KDM5B: variants seen among roughly 807,000 people sequenced by gnomAD.
KDM5B encodes the protein lysine-specific demethylase 5B.
In KDM5B, 144 loss-of-function variants were observed where a neutral mutation model predicts 193.4. The observed-to-expected ratio is 0.74, with a 90% CI of 0.65 to 0.86. KDM5B has a LOEUF of 0.86. Among genes scored for constraint, KDM5B ranks in the 40% least tolerant of loss-of-function variants. The pLI, the probability that KDM5B is intolerant of heterozygous loss-of-function variation, is 0.00. For synonymous variants in KDM5B, 668 were observed against 682.6 expected (o/e 0.98, Z 0.33); for missense variants, 1,833 against 1,886.9 (o/e 0.97, Z 0.53).
Position 202,724,935 on chromosome 1 carries a change from T to C in KDM5B, c.*4101A>G, listed in dbSNP as rs1161827766. ...TATTTTAAATAGAGAAAATAACTTT[T>C]GTTTCCTCAGAAAGGCAACTTTTTA... is the stretch of plus-strand genomic sequence containing the variant. On this transcript the variant is annotated 3_prime_UTR_variant, in exon 27 of 27. Transcript: ENST00000367265. The C allele has an allele frequency of 6.6e-6, 1 of 152,250 alleles. No individual in the cohort carries two copies. Among genetic ancestry groups the C allele is most frequent in the East Asian group, 1.9e-4 (1 of 5,200 alleles). 9.4% of individuals were successfully genotyped at this position (152,250 alleles called of 1,614,324 possible).
intron 2 of KDM5B, among the ~76,000 whole-genome samples, chr1:202,775,879 A>AAAAT (rs1553358956): frequency 1.2e-3 from 113 of 93,194 alleles, no homozygotes; most frequent in Non-Finnish European, 1.5e-3. Flanking sequence ...AAAAAAAAAA[A>AAAAT]ATATATATAT....
intron 23 of KDM5B, among the ~76,000 whole-genome samples, chr1:202,732,419 T>C (rs909983870): frequency 1.3e-5 from 2 of 152,124 alleles, no homozygotes; most frequent in African/African-American, 4.8e-5. Flanking sequence ...AATATAAGAG[T>C]TGTGTCCTTT....
intron 2 of KDM5B, 94 bp from the exon 3 acceptor site, chr1:202,774,829 A>T: frequency 8.3e-7 from 1 of 1,211,220 alleles, no homozygotes; most frequent in East Asian, 2.5e-5. Context: ...ATTTAAGTAC[A>T]ATACCACTTA....
chr1:202,763,996 T>A (rs1235789769), intron 6 of KDM5B, 53 bp downstream of exon 6: 2 of 1,002,394 alleles, frequency 2.0e-6, no homozygotes, highest in African/African-American at 3.2e-5. Context: ...TTATGAATAG[T>A]TATTTTTACT....
chr1:202,787,477 C>A (rs1407328196), intron 1 of KDM5B, among the ~76,000 whole-genome samples: 1 of 152,114 alleles, frequency 6.6e-6, no homozygotes, highest in Admixed American at 6.6e-5. Context: ...GAGTTAATCT[C>A]TTTAATCTGT....
At position 202,730,901 on chromosome 1, in the gene KDM5B, A is replaced by C; in HGVS notation, c.4176+8T>G. 6.3e-7 allele frequency: 1 copy of C among 1,586,476 alleles called. No individual in the cohort carries two copies. Among genetic ancestry groups the C allele is most frequent in the Non-Finnish European group, 8.6e-7 (1 of 1,163,660 alleles). On this transcript the variant is annotated splice_region_variant and intron_variant, in intron 25 of 26. Coordinates refer to ENST00000367265, the MANE Select transcript of KDM5B (RefSeq NM_006618.5). Reference sequence around the variant, plus strand: ...GTGCCTTGCCCCAGAAGCCTCTCAGACACTCACCTTCTCACTGCTGGGTCT... The same window carrying C: ...GTGCCTTGCCCCAGAAGCCTCTCAGCCACTCACCTTCTCACTGCTGGGTCT...
At chr1:202,778,379 G>A (rs1286793738) in intron 1 of KDM5B, among the ~76,000 whole-genome samples, 2 of 152,054 alleles carry the variant, frequency 1.3e-5, no homozygotes, top group Admixed American at 1.3e-4. Flanking sequence ...CAAGAGAACA[G>A]CTAAAGGTAT....
At chr1:202,782,363 T>G (rs191820840) in intron 1 of KDM5B, among the ~76,000 whole-genome samples, 235 of 152,276 alleles carry the variant, frequency 1.5e-3, no homozygotes, top group African/African-American at 5.3e-3. Context: ...CACGAATTTT[T>G]TTTTCTTTTC....
chr1:202,775,434 G>A (rs1167276664), intron 2 of KDM5B, among the ~76,000 whole-genome samples: 1 of 152,008 alleles, frequency 6.6e-6, no homozygotes, highest in East Asian at 1.9e-4. Context: ...CTACTCAGGA[G>A]GCTGAGGCAG....
At position 202,727,461 on chromosome 1, in the gene KDM5B, C is replaced by T. The variant is rs1292404458; in HGVS notation, c.*1575G>A. 1.3e-5 allele frequency: 2 copies of T among 152,596 alleles called. No individual in the cohort carries two copies. Among genetic ancestry groups the T allele is most frequent in the African/African-American group, 4.8e-5 (2 of 41,432 alleles). 9.5% of individuals were successfully genotyped at this position (152,596 alleles called of 1,614,324 possible). ...CATAAAAGGGGAGGGTACATTTAAACCTCTGCTATATCACAAACTGCTGTT... is the reference window on the plus strand; with the variant it reads ...CATAAAAGGGGAGGGTACATTTAAATCTCTGCTATATCACAAACTGCTGTT... On this transcript the variant is annotated 3_prime_UTR_variant, in exon 27 of 27. Transcript: ENST00000367265.
At chr1:202,748,565 T>C (rs1463238989) in intron 14 of KDM5B, among the ~76,000 whole-genome samples, 3 of 150,634 alleles carry the variant, frequency 2.0e-5, no homozygotes, top group Admixed American at 2.0e-4. Context: ...AAAAACCAAA[T>C]GTTTTAAAAA....
Position 202,725,371 on chromosome 1 carries a change from T to TA in KDM5B, c.*3664dup, listed in dbSNP as rs1654638290. 6.6e-6 allele frequency: 1 copy of TA among 152,266 alleles called. No homozygotes were observed. The highest frequency in any genetic ancestry group is 2.4e-5 in the African/African-American group (1 of 41,474). 9.4% of individuals were successfully genotyped at this position (152,266 alleles called of 1,614,324 possible). ...TATTACTTTATACAAATTCCTACTT[T>TA]ATACAATTTTTTGTTTAGGCAGCTT... On this transcript the variant is annotated 3_prime_UTR_variant, in exon 27 of 27. Transcript: ENST00000367265.
Position 202,777,084 on chromosome 1 carries a change from G to A in KDM5B, c.215C>T (p.Pro72Leu), listed in dbSNP as rs1282691565. The A allele has an allele frequency of 1.2e-6, 2 of 1,612,576 alleles. No homozygotes were observed. The highest frequency in any genetic ancestry group is 1.7e-5 in the Admixed American group (1 of 60,006). ...CKVRPPPDWQ[P>L]PFACDVDKLH... ...TTTATCAACATCACATGCAAATGGT[G>A]GCTGCCAATCCTAGGAGAAAGCAAA... The change falls in exon 2 of 27, where the codon CCA becomes CTA. Residue 72 changes from proline to leucine, a missense_variant. By Grantham distance (98) the Pro-to-Leu change is moderately conservative. Around this residue, in one of 3 missense-constraint regions of KDM5B, gnomAD observed 355 missense variants for 374.9 expected, o/e 0.95. Transcript: ENST00000367265.
chr1:202,735,737 C>A, intron 21 of KDM5B, 150 bp from the exon 22 acceptor site: 1 of 645,774 alleles, frequency 1.5e-6, no homozygotes, highest in Non-Finnish European at 2.7e-6. Context: ...CTGAGGCTCT[C>A]CTTTACAAAA....
rs1654639063 is a variant in KDM5B, at chr1:202,725,387, TAGGCAGCTTTTCAGTAAC to T, written c.*3631_*3648del. ...TTCCTACTTTATACAATTTTTTGTT[TAGGCAGCTTTTCAGTAAC>T]ATTTCTATAATAAGTTACACATGAA... On this transcript the variant is annotated 3_prime_UTR_variant, in exon 27 of 27. Transcript: ENST00000367265. 6.6e-6 allele frequency: 1 copy of T among 152,256 alleles called. No homozygotes were observed. Among genetic ancestry groups the T allele is most frequent in the Admixed American group, 6.5e-5 (1 of 15,276 alleles). 9.4% of individuals were successfully genotyped at this position (152,256 alleles called of 1,614,324 possible). A position where few individuals can be genotyped will look rare whatever the true frequency, so the allele number is the denominator to read the frequency against.
intron 1 of KDM5B, among the ~76,000 whole-genome samples, chr1:202,797,540 A>C (rs1172229775): frequency 6.6e-6 from 1 of 152,248 alleles, no homozygotes; most frequent in African/African-American, 2.4e-5. Flanking sequence ...ATATTTTCTT[A>C]AAAGATCTAG....
At chr1:202,765,909 T>C (rs1656435210) in intron 5 of KDM5B, among the ~76,000 whole-genome samples, 1 of 152,212 alleles carries the variant, frequency 6.6e-6, no homozygotes, top group East Asian at 1.9e-4. Flanking sequence ...TCCAAAACCT[T>C]CATACCTCTG....
intron 1 of KDM5B, among the ~76,000 whole-genome samples, chr1:202,781,783 G>T (rs998623900): frequency 3.9e-5 from 6 of 152,174 alleles, no homozygotes; most frequent in Non-Finnish European, 8.8e-5. Context: ...TAATGTGTCA[G>T]AATATAGAAG....
At chr1:202,777,555 G>A (rs1231034186) in intron 1 of KDM5B, among the ~76,000 whole-genome samples, 1 of 151,634 alleles carries the variant, frequency 6.6e-6, no homozygotes, top group African/African-American at 2.4e-5. Context: ...GTGCAGTGGT[G>A]TGATCACAGC....
Sources: gnomAD v4.1 joint callset for allele counts (sites outside exome capture counted in the v4.1 genomes callset) on GRCh38, gnomAD v4.1.1 for gene constraint, gnomAD v4.1.1 regional missense constraint, MANE v1.5 for transcripts, NCBI Gene and HGNC (gene_info 2026-07-23, HGNC 2026-07-21) for gene names.